LUZP2: variants seen among roughly 807,000 people sequenced by gnomAD.
LUZP2 encodes the protein leucine zipper protein 2.
Under a neutral mutation model 51.6 loss-of-function variants are expected in LUZP2, and 52 were observed. The observed-to-expected ratio is 1.01, with a 90% confidence interval of 0.81 to 1.27. The LOEUF (loss-of-function observed/expected upper bound fraction) is 1.27. Ranked by LOEUF, LUZP2 falls within the 50% of genes most tolerant of loss-of-function variation. The pLI is 0.00. For synonymous variants in LUZP2, 154 were observed against 137.3 expected (o/e 1.12, Z -0.85); for missense variants, 436 against 395.4 (o/e 1.10, Z -0.87).
chr11:24,909,582 C>G (rs1485498785), intron 6 of LUZP2, among the ~76,000 whole-genome samples: 2 of 151,688 alleles, frequency 1.3e-5, no homozygotes, highest in African/African-American at 4.8e-5. Flanking sequence ...ATTGGAAAAG[C>G]AGGGAGAAAA....
chr11:24,926,322 TGTGTGTATATATATATAC>T (rs1269865875), intron 7 of LUZP2, among the ~76,000 whole-genome samples: 1,431 of 106,734 alleles, frequency 0.013, 68 homozygotes, highest in African/African-American at 0.016. Context: ...TATATATACG[TGTGTGTATATATATATAC>T]GTGTGTATAT....
intron 1 of LUZP2, among the ~76,000 whole-genome samples, chr11:24,689,122 A>G (rs1856987402): frequency 6.6e-6 from 1 of 152,170 alleles, no homozygotes; most frequent in Admixed American, 6.5e-5. Flanking sequence ...GAAAGGAAGT[A>G]AAGTACACTT....
At chr11:25,062,784 A>G (rs1408726193) in intron 10 of LUZP2, among the ~76,000 whole-genome samples, 1 of 151,254 alleles carries the variant, frequency 6.6e-6, no homozygotes, top group South Asian at 2.1e-4. Context: ...TATTATCTAT[A>G]TAATTTCATA....
chr11:24,769,943 C>G lies in LUZP2; in HGVS notation c.396+6635C>G, dbSNP rs185595382. Among the ~76,000 whole-genome samples the G allele has an allele frequency of 3.5e-4, 53 of 152,122 alleles. 1 individual carries two copies. In the East Asian group the frequency reaches 9.9e-3, roughly 28 times the overall value. On this transcript the variant is annotated intron_variant, in intron 5 of 11. Transcript: ENST00000336930. ...AAGTAGCTAGGACTATAGACATGCACCAGCACCCCCGGCTAAATTTTTGTA... is the reference window on the plus strand; with the variant it reads ...AAGTAGCTAGGACTATAGACATGCAGCAGCACCCCCGGCTAAATTTTTGTA...
chr11:24,846,046 G>T (rs182254767), intron 5 of LUZP2, among the ~76,000 whole-genome samples: 2 of 151,540 alleles, frequency 1.3e-5, no homozygotes, highest in African/African-American at 4.8e-5. Context: ...TCCATTCAAC[G>T]CAGGCAAGGA....
intron 9 of LUZP2, among the ~76,000 whole-genome samples, chr11:25,001,334 C>T (rs979356248): frequency 5.9e-5 from 9 of 152,162 alleles, no homozygotes; most frequent in Non-Finnish European, 5.9e-5. Flanking sequence ...AGGAGAGTTT[C>T]CTTATCATTT....
At chr11:24,565,565 C>T (rs1376002289) in intron 1 of LUZP2, among the ~76,000 whole-genome samples, 1 of 152,140 alleles carries the variant, frequency 6.6e-6, no homozygotes, top group Non-Finnish European at 1.5e-5. Context: ...AAATAGAAAG[C>T]ATTATCACAT....
chr11:24,911,839 G>A (rs978695910), intron 6 of LUZP2, among the ~76,000 whole-genome samples: 2 of 152,260 alleles, frequency 1.3e-5, no homozygotes, highest in Middle Eastern at 3.4e-3. Flanking sequence ...ATAAAGTCAA[G>A]GTACTGAGGG....
At chr11:24,523,421 A>T (rs1850704368) in intron 1 of LUZP2, among the ~76,000 whole-genome samples, 1 of 151,684 alleles carries the variant, frequency 6.6e-6, no homozygotes, top group Non-Finnish European at 1.5e-5. Flanking sequence ...GAGATTGTGT[A>T]TAGTGAGTTT....
chr11:24,916,305 T>C (rs1363628119), intron 7 of LUZP2, among the ~76,000 whole-genome samples: 1 of 151,988 alleles, frequency 6.6e-6, no homozygotes, highest in Non-Finnish European at 1.5e-5. Context: ...CTAATCTCCA[T>C]TTTAGTGCTC....
At chr11:24,944,143 A>T (rs546661004) in intron 7 of LUZP2, among the ~76,000 whole-genome samples, 1 of 152,288 alleles carries the variant, frequency 6.6e-6, no homozygotes, top group East Asian at 1.9e-4. Context: ...GATCTTTAAA[A>T]TTTTTTGAAG....
chr11:24,903,981 G>GAT (rs1324273998), intron 5 of LUZP2, among the ~76,000 whole-genome samples: 2 of 152,058 alleles, frequency 1.3e-5, no homozygotes, highest in African/African-American at 4.8e-5. Context: ...ATTTATTTTT[G>GAT]ATATATATCC....
chr11:24,919,865 A>G (rs1205577329), intron 7 of LUZP2, among the ~76,000 whole-genome samples: 1 of 151,516 alleles, frequency 6.6e-6, no homozygotes, highest in Non-Finnish European at 1.5e-5. Flanking sequence ...TACAATAATA[A>G]CAAGAGAAAT....
At chr11:24,870,793 T>C (rs1852047065) in intron 5 of LUZP2, among the ~76,000 whole-genome samples, 3 of 152,140 alleles carry the variant, frequency 2.0e-5, no homozygotes, top group Admixed American at 1.3e-4. Context: ...AGATTCATTC[T>C]ATTATAATCT....
At chr11:24,801,862 A>G (rs556477449) in intron 5 of LUZP2, among the ~76,000 whole-genome samples, 2 of 151,190 alleles carry the variant, frequency 1.3e-5, no homozygotes, top group East Asian at 3.9e-4. Context: ...AAAAATTACT[A>G]AACAGTTATG....
At chr11:24,677,665 A>G (rs565177965) in intron 1 of LUZP2, among the ~76,000 whole-genome samples, 6 of 152,212 alleles carry the variant, frequency 3.9e-5, no homozygotes, top group South Asian at 2.1e-4. Flanking sequence ...ATTTATCACA[A>G]TTTGTAAATA....
At chr11:24,602,225 T>TGTATATATGTGTATATATGCAA (rs1486513736) in intron 1 of LUZP2, among the ~76,000 whole-genome samples, 3 of 40,252 alleles carry the variant, frequency 7.5e-5, no homozygotes, top group African/African-American at 1.3e-4. Flanking sequence ...TGTATATATG[T>TGTATATATGTGTATATATGCAA]ACATATATGT....
chr11:24,719,041 A>C (rs1858163060), intron 1 of LUZP2, among the ~76,000 whole-genome samples: 1 of 152,216 alleles, frequency 6.6e-6, no homozygotes, highest in Non-Finnish European at 1.5e-5. Flanking sequence ...GAACAAAGGA[A>C]AATGAAGGAG....
intron 8 of LUZP2, among the ~76,000 whole-genome samples, chr11:24,982,428 A>G (rs1856064190): frequency 6.6e-6 from 1 of 151,948 alleles, no homozygotes. Flanking sequence ...GTATCCAGCC[A>G]TAAAAAAGAA....
Sources: gnomAD v4.1 joint callset for allele counts (sites outside exome capture counted in the v4.1 genomes callset) on GRCh38, gnomAD v4.1.1 for gene constraint, MANE v1.5 for transcripts, NCBI Gene and HGNC (gene_info 2026-07-23, HGNC 2026-07-21) for gene names.